The following SNX29 variants were observed in gnomAD, a reference collection of about 807,000 sequenced individuals.
SNX29 encodes the protein sorting nexin-29.
In SNX29, 78 loss-of-function variants were observed where a neutral mutation model predicts 102.1. The observed-to-expected ratio is 0.76, with a 90% CI of 0.64 to 0.92. The LOEUF (loss-of-function observed/expected upper bound fraction) is 0.92. SNX29 is among the 40% of genes least tolerant of loss of function. The probability of loss-of-function intolerance (pLI) is 0.00; values close to 1 mark genes in which losing one functional copy is unlikely to be tolerated. For synonymous variants in SNX29, 580 were observed against 414.5 expected, an observed-to-expected ratio of 1.40 and a Z score of -4.85; for missense variants, 1,280 against 1,061.7, an observed-to-expected ratio of 1.21 and a Z score of -2.86.
intron 14 of SNX29, among the ~76,000 whole-genome samples, chr16:12,206,507 A>G (rs547397291): frequency 6.6e-6 from 1 of 152,220 alleles, no homozygotes; most frequent in South Asian, 2.1e-4. Flanking sequence ...CAGAGTTGGA[A>G]AGAGATGCAC....
intron 3 of SNX29, among the ~76,000 whole-genome samples, chr16:12,004,458 T>A (rs1596567384): frequency 6.6e-6 from 1 of 151,954 alleles, no homozygotes; most frequent in Non-Finnish European, 1.5e-5. Flanking sequence ...TTGGTAAAGG[T>A]AGGAGACACA....
chr16:11,999,790 A>G (rs565990501), intron 2 of SNX29, among the ~76,000 whole-genome samples: 2 of 152,158 alleles, frequency 1.3e-5, no homozygotes, highest in Admixed American at 1.3e-4. Flanking sequence ...AATCCCAGCT[A>G]CTTGGGAGGC....
At chr16:12,205,877 A>T (rs1279342825) in intron 14 of SNX29, among the ~76,000 whole-genome samples, 1 of 152,230 alleles carries the variant, frequency 6.6e-6, no homozygotes, top group Non-Finnish European at 1.5e-5. Context: ...ACAGTGCTTG[A>T]TCCATGACAC....
At chr16:12,455,855 C>G (rs2086515513) in intron 18 of SNX29, among the ~76,000 whole-genome samples, 1 of 152,102 alleles carries the variant, frequency 6.6e-6, no homozygotes, top group African/African-American at 2.4e-5. Flanking sequence ...TGCTTGCCTT[C>G]TTGTTTCCTT....
intron 13 of SNX29, among the ~76,000 whole-genome samples, chr16:12,141,767 C>T (rs1567243984): frequency 2.0e-5 from 3 of 152,190 alleles, no homozygotes; most frequent in Non-Finnish European, 2.9e-5. Context: ...CCAGAGGTCA[C>T]TTTTATCACC....
rs577893268 is a variant in SNX29, at chr16:12,569,989, C to T, written c.*1360C>T. The T allele has an allele frequency of 7.8e-6, 2 of 254,946 alleles. No homozygotes were observed. Among genetic ancestry groups the T allele is most frequent in the East Asian group, 1.2e-4 (2 of 16,592 alleles). 15.8% of individuals were successfully genotyped at this position (254,946 alleles called of 1,614,324 possible). On this transcript the variant is annotated 3_prime_UTR_variant, in exon 21 of 21. Coordinates refer to ENST00000566228, the MANE Select transcript of SNX29 (RefSeq NM_032167.5). ...CCATGGGCTTGTCCTGGAACTGCTT[C>T]AACTCAGTGGCTTAAAATGAGAACT...
intron 20 of SNX29, among the ~76,000 whole-genome samples, chr16:12,543,815 G>A (rs983553490): frequency 6.6e-5 from 10 of 152,238 alleles, no homozygotes; most frequent in African/African-American, 2.4e-4. Context: ...CAGCCCATGA[G>A]ACAGGGACAC....
rs1160746190 is a variant in SNX29, at chr16:12,572,242, G to C, written c.*3613G>C. ...AGGCTCCTGAAAGTCGTTTACACCA[G>C]GTGGATTGATACCATGGCTGTAGCT... On this transcript the variant is annotated 3_prime_UTR_variant, in exon 21 of 21. Transcript: ENST00000566228. 2.9e-6 allele frequency: 3 copies of C among 1,045,292 alleles called. No homozygotes were observed. The highest frequency in any genetic ancestry group is 3.5e-6 in the Non-Finnish European group (3 of 861,750). 64.8% of individuals were successfully genotyped at this position (1,045,292 alleles called of 1,614,324 possible).
intron 9 of SNX29, among the ~76,000 whole-genome samples, chr16:12,063,166 T>C (rs8054869): frequency 0.36 from 54,134 of 151,780 alleles, 9,849 homozygotes; most frequent in African/African-American, 0.44. Context: ...TGAAGGCGCC[T>C]TGAGTTAATC....
chr16:12,288,592 A>AG (rs1445357820), intron 15 of SNX29, among the ~76,000 whole-genome samples: 2 of 151,706 alleles, frequency 1.3e-5, no homozygotes, highest in African/African-American at 4.9e-5. Context: ...TTGCAGGCTA[A>AG]GCCCTTCTTT....
chr16:11,991,711 CTTTT>C (rs762156831), intron 1 of SNX29, among the ~76,000 whole-genome samples: 2 of 118,354 alleles, frequency 1.7e-5, no homozygotes, highest in Admixed American at 8.9e-5. Flanking sequence ...TGAGGCTAAT[CTTTT>C]TTTTTTTTTT....
chr16:12,350,636 C>T (rs749957512), intron 15 of SNX29, among the ~76,000 whole-genome samples: 22 of 152,254 alleles, frequency 1.4e-4, no homozygotes, highest in African/African-American at 2.9e-4. Flanking sequence ...GCTTCTGCAA[C>T]GTCCCCGTTT....
At chr16:12,485,715 G>A (rs1362165939) in intron 19 of SNX29, among the ~76,000 whole-genome samples, 1 of 152,178 alleles carries the variant, frequency 6.6e-6, no homozygotes, top group East Asian at 1.9e-4. Context: ...GGCGAATTAA[G>A]GTTCGGTCTC....
intron 19 of SNX29, among the ~76,000 whole-genome samples, chr16:12,497,029 G>C (rs951892841): frequency 6.6e-6 from 1 of 152,174 alleles, no homozygotes; most frequent in African/African-American, 2.4e-5. Context: ...TGAAGCCCAA[G>C]TGAACAGGTA....
chr16:12,114,488 C>T (rs879893203), intron 11 of SNX29, among the ~76,000 whole-genome samples: 4 of 152,026 alleles, frequency 2.6e-5, no homozygotes, highest in Admixed American at 6.6e-5. Context: ...AGATCCCATT[C>T]GGGAGACAGT....
At position 12,571,930 on chromosome 16, in the gene SNX29, G is replaced by C. The variant is rs887915590; in HGVS notation, c.*3301G>C. The stretch of plus-strand genomic sequence containing the variant: ...TCTCTACTGGCAGGCCCTGGTGAAG[G>C]AAGACACTTTCAGGGAAGAGGCTCT... On this transcript the variant is annotated 3_prime_UTR_variant, in exon 21 of 21. Coordinates refer to ENST00000566228, the MANE Select transcript of SNX29 (RefSeq NM_032167.5). 9.4e-7 allele frequency: 1 copy of C among 1,062,148 alleles called. No individual in the cohort carries two copies. Among genetic ancestry groups the C allele is most frequent in the Non-Finnish European group, 1.1e-6 (1 of 877,292 alleles). 65.8% of individuals were successfully genotyped at this position (1,062,148 alleles called of 1,614,324 possible). A position where few individuals can be genotyped will look rare whatever the true frequency, so the allele number is the denominator to read the frequency against.
chr16:11,993,303 C>T (rs1343149075), intron 1 of SNX29, among the ~76,000 whole-genome samples: 2 of 152,130 alleles, frequency 1.3e-5, no homozygotes, highest in Admixed American at 1.3e-4. Flanking sequence ...GCCGGAGTGC[C>T]TGGTTGCCTC....
intron 1 of SNX29, among the ~76,000 whole-genome samples, chr16:11,986,213 T>A (rs1374249744): frequency 6.6e-6 from 1 of 151,940 alleles, no homozygotes; most frequent in Non-Finnish European, 1.5e-5. Flanking sequence ...TTGCCCTGAC[T>A]TTTTGCTGTC....
intron 15 of SNX29, among the ~76,000 whole-genome samples, chr16:12,326,683 G>C (rs988750174): frequency 2.0e-5 from 3 of 152,146 alleles, no homozygotes; most frequent in Non-Finnish European, 4.4e-5. Flanking sequence ...CCTAGGTTTG[G>C]ATTTAAGTCA....
Sources: allele counts gnomAD v4.1 joint callset (sites outside exome capture counted in the v4.1 genomes callset), GRCh38; gene constraint gnomAD v4.1.1; transcripts MANE v1.5; gene names NCBI Gene and HGNC (gene_info 2026-07-23, HGNC 2026-07-21).